MED12L: variants seen among roughly 807,000 people sequenced by gnomAD.
MED12L encodes mediator complex subunit 12L.
In MED12L, 60 loss-of-function variants were observed where a neutral mutation model predicts 281.3. The ratio of observed to expected loss-of-function variants is 0.21; its 90% CI spans 0.17 to 0.26. The LOEUF is 0.26. MED12L is among the 10% of genes least tolerant of loss of function. The pLI, the probability that MED12L is intolerant of heterozygous loss-of-function variation, is 1.00. For missense variants in MED12L, 2,146 were observed against 2,680.9 expected, an observed-to-expected ratio of 0.80 and a Z score of 4.41; for synonymous variants, 974 against 987.2, an observed-to-expected ratio of 0.99 and a Z score of 0.25.
At position 151,141,277 on chromosome 3, in the gene MED12L, C is replaced by T. The variant is rs898917270; in HGVS notation, c.556+13293C>T. ...GACCTCGTGATCCACCTGCTTTGAC[C>T]TCCAAAAGTGCTGGGATTACAGGCA... On this transcript the variant is annotated intron_variant, in intron 5 of 44. Coordinates refer to ENST00000687756, the MANE Select transcript of MED12L (RefSeq NM_001393769.1). Among the ~76,000 whole-genome samples the T allele has an allele frequency of 2.6e-5, 4 of 151,362 alleles. No individual in the cohort carries two copies. The South Asian group carries it at 6.3e-4, about 24-fold the overall frequency.
intron 16 of MED12L, among the ~76,000 whole-genome samples, chr3:151,228,437 T>C (rs1730974870): frequency 2.6e-5 from 4 of 152,062 alleles, no homozygotes. Flanking sequence ...CAGAATAAAC[T>C]ATCAGGCTCC....
intron 5 of MED12L, among the ~76,000 whole-genome samples, chr3:151,146,989 T>G (rs566008585): frequency 6.6e-6 from 1 of 152,354 alleles, no homozygotes; most frequent in African/African-American, 2.4e-5. Context: ...ACTGACTACT[T>G]TTCATTCCCC....
rs898610318 is a variant in MED12L, at chr3:151,416,388, T to G, written c.6374T>G (p.Leu2125Arg). Residue 2125 changes from leucine to arginine, a missense_variant, in exon 43 of 45, where the codon CTT (leucine) becomes CGT (arginine). Leu to Arg is a moderately radical substitution (Grantham distance 102). This residue lies in a region of MED12L where 496 missense variants were observed against 512.0 expected (regional missense o/e 0.97). Transcript: ENST00000687756. ...QQSSQSQSQT[L>R]GLQAMQPQQP... ...TCCTCGCAGTCCCAGAGTCAGACCCTTGGTCTCCAAGCAATGCAGCCCCAG... is the reference window on the plus strand; with the variant it reads ...TCCTCGCAGTCCCAGAGTCAGACCCGTGGTCTCCAAGCAATGCAGCCCCAG... The G allele has an allele frequency of 7.3e-7, 1 of 1,376,244 alleles. No individual in the cohort carries two copies. The highest frequency in any genetic ancestry group is 9.7e-7 in the Non-Finnish European group (1 of 1,028,896). 85.3% of individuals were successfully genotyped at this position (1,376,244 alleles called of 1,614,324 possible).
chr3:151,125,388 T>C (rs951729058), intron 4 of MED12L, among the ~76,000 whole-genome samples: 1 of 152,200 alleles, frequency 6.6e-6, no homozygotes, highest in Non-Finnish European at 1.5e-5. Context: ...TGCATTGTGC[T>C]GTTAATGTAA....
chr3:151,351,101 C>A (rs1753187565), intron 17 of MED12L, among the ~76,000 whole-genome samples: 1 of 152,152 alleles, frequency 6.6e-6, no homozygotes, highest in Admixed American at 6.5e-5. Flanking sequence ...CCCTACTGTT[C>A]TGTAGTACAT....
At chr3:151,293,634 CCCTT>C (rs1360365610) in intron 16 of MED12L, among the ~76,000 whole-genome samples, 13 of 50,542 alleles carry the variant, frequency 2.6e-4, no homozygotes, top group African/African-American at 6.3e-4. Context: ...TAAAATGAAG[CCCTT>C]ACACACACAC....
chr3:151,184,927 G>A (rs962747100), intron 11 of MED12L, among the ~76,000 whole-genome samples: 6 of 152,184 alleles, frequency 3.9e-5, no homozygotes, highest in African/African-American at 1.4e-4. Context: ...CATTGAGTGA[G>A]TGGGGGGCCT....
chr3:151,171,245 C>CT (rs1721390474), intron 11 of MED12L, among the ~76,000 whole-genome samples: 1 of 152,182 alleles, frequency 6.6e-6, no homozygotes, highest in Admixed American at 6.5e-5. Flanking sequence ...CTCACTGAGC[C>CT]TGTCACTTGT....
chr3:151,252,120 C>A (rs528501391), intron 16 of MED12L, among the ~76,000 whole-genome samples: 1 of 152,272 alleles, frequency 6.6e-6, no homozygotes, highest in African/African-American at 2.4e-5. Flanking sequence ...CATCCCCTCC[C>A]TCCCTATGCA....
At chr3:151,362,669 G>A (rs1234282363) in intron 21 of MED12L, among the ~76,000 whole-genome samples, 2 of 151,764 alleles carry the variant, frequency 1.3e-5, no homozygotes, top group South Asian at 2.1e-4. Context: ...TTTTTTCACT[G>A]CTACATCCCA....
intron 11 of MED12L, among the ~76,000 whole-genome samples, chr3:151,177,737 T>C (rs182625866): frequency 6.6e-6 from 1 of 152,126 alleles, no homozygotes; most frequent in Non-Finnish European, 1.5e-5. Flanking sequence ...AAGCCATTGT[T>C]CCTGCTCGGC....
At chr3:151,191,005 G>T in intron 14 of MED12L, 74 bp downstream of exon 14, 1 of 1,328,712 alleles carries the variant, frequency 7.5e-7, no homozygotes, top group Non-Finnish European at 1.1e-6. Context: ...AATGGGTCAT[G>T]TAGTGGTAGA....
rs575286317 is a variant in MED12L at position 151,221,262 on chromosome 3, C to G, written c.2250+27596C>G. ...ATTCAGTTTTATAAGGGAAGCAGAG[C>G]TTAAAAGTTCAGAAAATTTGCAGCC... On this transcript the variant is annotated intron_variant, in intron 16 of 44. Transcript: ENST00000687756. 2.6e-5 allele frequency among the ~76,000 whole-genome samples: 4 copies of G among 152,258 alleles called. No homozygotes were observed. In the South Asian group the frequency reaches 8.3e-4, roughly 32 times the overall value.
At chr3:151,277,310 C>A (rs1451851435) in intron 16 of MED12L, among the ~76,000 whole-genome samples, 1 of 151,706 alleles carries the variant, frequency 6.6e-6, no homozygotes, top group African/African-American at 2.4e-5. Flanking sequence ...ATATAGTATT[C>A]ATAAATTTTA....
chr3:151,372,821 G>C (rs1756355403), intron 27 of MED12L, 55 bp downstream of exon 27: 4 of 1,413,710 alleles, frequency 2.8e-6, no homozygotes, highest in Non-Finnish European at 4.0e-6. Context: ...CTTTTGGAGA[G>C]AGCTACTTAC....
At chr3:151,379,462 CAG>C (rs1711842754) in intron 31 of MED12L, among the ~76,000 whole-genome samples, 1 of 152,176 alleles carries the variant, frequency 6.6e-6, no homozygotes, top group African/African-American at 2.4e-5. Context: ...CAATTTAAAA[CAG>C]AATTTTTAAC....
In MED12L at chr3:151,166,000, A is replaced by G. The variant is rs1001255115; in HGVS notation, c.1494+18A>G. 1 of 1,552,610 alleles carries G rather than the reference A, an allele frequency of 6.4e-7. No homozygotes were observed. Among genetic ancestry groups the G allele is most frequent in the Admixed American group, 1.8e-5 (1 of 54,132 alleles). ...ACCAAGAGGTAGTTAATTTTTTTTT[A>G]ATTCTTTTCACCTTTTATTTTCATA... On this transcript the variant is annotated intron_variant, in intron 11 of 44. Coordinates refer to ENST00000687756, the MANE Select transcript of MED12L (RefSeq NM_001393769.1).
intron 16 of MED12L, among the ~76,000 whole-genome samples, chr3:151,255,155 G>A (rs1737585650): frequency 6.6e-6 from 1 of 152,186 alleles, no homozygotes; most frequent in Non-Finnish European, 1.5e-5. Context: ...TGGAATTGAT[G>A]AAGCTGTTGG....
intron 16 of MED12L, among the ~76,000 whole-genome samples, chr3:151,206,071 A>ATTT (rs60866327): frequency 1.5e-4 from 19 of 124,142 alleles, no homozygotes; most frequent in African/African-American, 2.1e-4. Context: ...AAAGAAAATA[A>ATTT]TTTTTTTTTT....
Sources: allele counts gnomAD v4.1 joint callset (sites outside exome capture counted in the v4.1 genomes callset), GRCh38; gene constraint gnomAD v4.1.1; regional missense constraint gnomAD v4.1.1; transcripts MANE v1.5; gene names NCBI Gene and HGNC (gene_info 2026-07-23, HGNC 2026-07-21).